The following RAD50 variants were observed in gnomAD, a reference collection of about 807,000 sequenced individuals.
The protein encoded by RAD50 is DNA repair protein RAD50.
In RAD50, 132 loss-of-function variants were observed where a neutral mutation model predicts 168.8. The observed-to-expected ratio is 0.78, with a 90% CI of 0.68 to 0.90. The LOEUF is 0.90. Ranked by LOEUF, RAD50 falls within the 40% of genes least tolerant of loss-of-function variation. The pLI is 0.00. For synonymous variants in RAD50, 525 were observed against 497.4 expected (o/e 1.06, Z -0.74); for missense variants, 1,347 against 1,534.4 (o/e 0.88, Z 2.04).
intron 5 of RAD50, among the ~76,000 whole-genome samples, chr5:132,580,914 C>G (rs749830145): frequency 6.6e-6 from 1 of 151,916 alleles, no homozygotes; most frequent in Non-Finnish European, 1.5e-5. Flanking sequence ...TTAAAAAACT[C>G]ACCTGTAAAT....
intron 21 of RAD50, among the ~76,000 whole-genome samples, chr5:132,619,837 T>TATATATATATATAAAG (rs1751249503): frequency 3.6e-5 from 4 of 111,550 alleles, no homozygotes; most frequent in African/African-American, 1.3e-4. Flanking sequence ...TCTCTCTCTC[T>TATATATATATATAAAG]ATATATATAT....
intron 2 of RAD50, among the ~76,000 whole-genome samples, chr5:132,572,830 A>G (rs966078396): frequency 2.6e-5 from 4 of 152,244 alleles, no homozygotes; most frequent in Admixed American, 2.0e-4. Flanking sequence ...ACTTTGCCTC[A>G]TTCAAATAAT....
At chr5:132,641,894 T>C in intron 24 of RAD50, 1 of 419,558 alleles carries the variant, frequency 2.4e-6, no homozygotes, top group South Asian at 3.9e-5. Context: ...CCTGCTTTAG[T>C]GAGAACTTCT....
chr5:132,643,546 A>AATT lies in RAD50; in HGVS notation c.*1184_*1186dup, dbSNP rs1222038702. The AATT allele has an allele frequency of 4.3e-6, 1 of 233,176 alleles. No homozygotes were observed. The highest frequency in any genetic ancestry group is 8.5e-6 in the Non-Finnish European group (1 of 117,358). 14.4% of individuals were successfully genotyped at this position (233,176 alleles called of 1,614,324 possible). A position where few individuals can be genotyped will look rare whatever the true frequency, so the allele number is the denominator to read the frequency against. On this transcript the variant is annotated 3_prime_UTR_variant, in exon 25 of 25. Transcript: ENST00000378823. ...CTTTTCTCAACTGGGTCCAGAAGAG[A>AATT]ATTAAGCCCTAAGGTCCTAAGGCAT...
At chr5:132,600,761 G>T (rs1390980433) in intron 13 of RAD50, among the ~76,000 whole-genome samples, 1 of 152,074 alleles carries the variant, frequency 6.6e-6, no homozygotes, top group African/African-American at 2.4e-5. Flanking sequence ...AAAAATAGGT[G>T]AATTGAGTTT....
intron 23 of RAD50, among the ~76,000 whole-genome samples, chr5:132,639,995 A>G (rs1431418875): frequency 6.6e-6 from 1 of 151,970 alleles, no homozygotes; most frequent in Non-Finnish European, 1.5e-5. Context: ...GAATAGCCCT[A>G]CTCTCTCAAT....
chr5:132,642,261 G>A lies in RAD50; in HGVS notation c.3836G>A (p.Arg1279His), dbSNP rs375710541. Residue 1279 changes from arginine to histidine, a missense_variant, in exon 25 of 25, where the codon CGT becomes CAT. Physicochemically the swap from Arg to His is conservative, Grantham distance 29. Transcript: ENST00000378823. ...HDEDFVELLG[R>H]SEYVEKFYRI... is the part of the protein sequence containing the mutation. ...GAAGATTTTGTGGAGCTTTTAGGACGTTCTGAATATGTGGAGAAATTCTAC... is the reference window on the plus strand; with the variant it reads ...GAAGATTTTGTGGAGCTTTTAGGACATTCTGAATATGTGGAGAAATTCTAC... 220 of 1,613,986 alleles carry A rather than the reference G, an allele frequency of 1.4e-4. No homozygotes were observed. Among genetic ancestry groups the A allele is most frequent in the Non-Finnish European group, 1.8e-4 (211 of 1,179,870 alleles).
intron 24 of RAD50, among the ~76,000 whole-genome samples, 168 bp downstream of exon 24, chr5:132,640,973 A>G (rs1581024059): frequency 6.6e-6 from 1 of 152,052 alleles, no homozygotes; most frequent in East Asian, 1.9e-4. Flanking sequence ...TTACCTTTTG[A>G]TAGTAATTCT....
intron 5 of RAD50, among the ~76,000 whole-genome samples, chr5:132,584,988 C>G (rs1750569828): frequency 6.6e-6 from 1 of 151,726 alleles, no homozygotes; most frequent in African/African-American, 2.4e-5. Context: ...TTAGGAGATA[C>G]ACCTAATGTA....
chr5:132,623,467 C>T (rs931223470), intron 21 of RAD50, among the ~76,000 whole-genome samples: 2 of 152,086 alleles, frequency 1.3e-5, no homozygotes, highest in African/African-American at 2.4e-5. Context: ...GGCAACAGAA[C>T]GAGACTCTGT....
chr5:132,582,072 A>G (rs958828032), intron 5 of RAD50, among the ~76,000 whole-genome samples: 7 of 152,192 alleles, frequency 4.6e-5, no homozygotes, highest in Admixed American at 6.5e-5. Context: ...TTTTTTGATC[A>G]TAAATGAGTA....
At chr5:132,566,298 G>A (rs1049132091) in intron 2 of RAD50, among the ~76,000 whole-genome samples, 1 of 152,214 alleles carries the variant, frequency 6.6e-6, no homozygotes, top group African/African-American at 2.4e-5. Context: ...TGGAGAAAGA[G>A]TATGTGTATT....
rs372159364 is a variant in RAD50, at chr5:132,592,045, A to G, written c.1793+11A>G. ...ACTTGCCAAATTGAAGTAAGTTGCA[A>G]CATTTGGAGATGTAATAGAAATCTC... On this transcript the variant is annotated intron_variant, in intron 11 of 24. Transcript: ENST00000378823. The G allele has an allele frequency of 7.5e-6, 12 of 1,602,302 alleles. No individual in the cohort carries two copies. In the African/African-American group the frequency reaches 1.2e-4, roughly 16 times the overall value.
At chr5:132,610,262 A>G (rs1751061916) in intron 19 of RAD50, among the ~76,000 whole-genome samples, 1 of 152,096 alleles carries the variant, frequency 6.6e-6, no homozygotes, top group African/African-American at 2.4e-5. Flanking sequence ...ATGTATCTGT[A>G]TCTTTTCTTA....
rs1751800472 is a variant in RAD50 at position 132,644,118 on chromosome 5, A to G, written c.*1754A>G. The G allele has an allele frequency of 1.6e-5, 3 of 190,818 alleles. No individual in the cohort carries two copies. The South Asian group carries it at 5.8e-4, about 37-fold the overall frequency. The allele number at this position is 190,818 out of a possible 1,614,324, so 11.8% of individuals were successfully genotyped here. On this transcript the variant is annotated 3_prime_UTR_variant, in exon 25 of 25. Coordinates refer to ENST00000378823, the MANE Select transcript of RAD50 (RefSeq NM_005732.4). ...GTGCTAGTTGTTGCAGCAAAGAATA[A>G]CAAAGGCAATACACGATCAATATAG...
Position 132,587,583 on chromosome 5 carries a change from C to A in RAD50, c.778C>A (p.His260Asn), listed in dbSNP as rs1554098158. The A allele has an allele frequency of 6.2e-7, 1 of 1,612,984 alleles. No homozygotes were observed. Reference protein sequence around the residue: ...PLKNRLKEIEHNLSKIMKLDN... With the variant: ...PLKNRLKEIENNLSKIMKLDN... The stretch of plus-strand genomic sequence containing the variant: ...TCAGAATCGTCTAAAAGAAATTGAA[C>A]ATAATCTCTCTAAAATAATGAAACT... Residue 260 changes from histidine to asparagine, a missense_variant, in exon 6 of 25, where the codon CAT becomes AAT. His to Asn is a moderately conservative substitution (Grantham distance 68, BLOSUM62 1). This residue lies in a region of RAD50 where 703 missense variants were observed against 767.7 expected (regional missense o/e 0.92). Coordinates refer to ENST00000378823, the MANE Select transcript of RAD50 (RefSeq NM_005732.4).
chr5:132,586,666 A>G (rs568556327), intron 5 of RAD50, among the ~76,000 whole-genome samples: 18 of 152,122 alleles, frequency 1.2e-4, no homozygotes, highest in Non-Finnish European at 2.2e-4. Context: ...AAAGCTTGCA[A>G]TTGCTGTCTA....
Position 132,643,933 on chromosome 5 carries a change from T to G in RAD50, c.*1569T>G. The stretch of plus-strand genomic sequence containing the variant: ...TTCTAGCAGCTATATTTGATAAAAT[T>G]CAACATCTCCTAGCTTTAGCAAACT... On this transcript the variant is annotated 3_prime_UTR_variant, in exon 25 of 25. Coordinates refer to ENST00000378823, the MANE Select transcript of RAD50 (RefSeq NM_005732.4). The G allele has an allele frequency of 4.3e-6, 1 of 231,000 alleles. No homozygotes were observed. The highest frequency in any genetic ancestry group is 8.6e-6 in the Non-Finnish European group (1 of 116,698). 14.3% of individuals were successfully genotyped at this position (231,000 alleles called of 1,614,324 possible).
At chr5:132,558,438 C>T (rs916084020) in intron 1 of RAD50, among the ~76,000 whole-genome samples, 5 of 152,094 alleles carry the variant, frequency 3.3e-5, no homozygotes, top group African/African-American at 1.2e-4. Context: ...CAGCTGGGCA[C>T]GGTGGCTCAC....
Sources: gnomAD v4.1 joint callset for allele counts (sites outside exome capture counted in the v4.1 genomes callset) on GRCh38, gnomAD v4.1.1 for gene constraint, gnomAD v4.1.1 regional missense constraint, MANE v1.5 for transcripts, NCBI Gene and HGNC (gene_info 2026-07-23, HGNC 2026-07-21) for gene names.